AGBL5: variants seen among roughly 807,000 people sequenced by gnomAD.
AGBL5 encodes AGBL carboxypeptidase 5.
In AGBL5, 51 loss-of-function variants were observed where a neutral mutation model predicts 88.0. The observed-to-expected ratio is 0.58, with a 90% CI of 0.46 to 0.73. AGBL5 has a LOEUF of 0.73. AGBL5 is among the 30% of genes least tolerant of loss of function. The pLI is 0.00. For missense variants in AGBL5, 1,031 were observed against 1,162.2 expected, an observed-to-expected ratio of 0.89 and a Z score of 1.64; for synonymous variants, 446 against 438.8, an observed-to-expected ratio of 1.02 and a Z score of -0.21.
At chr2:27,068,161 G>A (rs1669088444) in intron 12 of AGBL5, among the ~76,000 whole-genome samples, 1 of 152,212 alleles carries the variant, frequency 6.6e-6, no homozygotes, top group Admixed American at 6.5e-5. Flanking sequence ...CTCATTCAAA[G>A]ACCCCTACTC....
At chr2:27,057,238 G>T in intron 8 of AGBL5, 65 bp from the exon 9 acceptor site, 1 of 1,520,494 alleles carries the variant, frequency 6.6e-7, no homozygotes, top group Non-Finnish European at 8.9e-7. Flanking sequence ...CACCTAAGTT[G>T]TCCTCTATGG....
At chr2:27,051,271 A>G (rs1306055566), upstream of AGBL5, among the ~76,000 whole-genome samples, 1 of 152,182 alleles carries the variant, frequency 6.6e-6, no homozygotes, top group East Asian at 1.9e-4. Flanking sequence ...AGCGGGATCG[A>G]TGCCCGCATC....
Position 27,059,233 on chromosome 2 carries a change from C to T in AGBL5, c.1918C>T (p.Arg640Ter). ...SCSENTLSRA[R>*]SFSTGTSAGG... ...CTCCGAAAACACCTTGAGTCGGGCA[C>T]GAAGTTTTAGCACCGGCACAAGTGC... Residue 640 changes from arginine (R) to a stop codon, truncating the protein, a stop_gained, in exon 11 of 15, where the codon CGA becomes TGA. Transcript: ENST00000360131. LOFTEE classifies it high-confidence loss of function. 1 of 1,614,024 alleles carries T rather than the reference C, an allele frequency of 6.2e-7. No individual in the cohort carries two copies. The highest frequency in any genetic ancestry group is 1.1e-5 in the South Asian group (1 of 91,088).
intron 11 of AGBL5, chr2:27,062,960 G>GT (rs1323035970): frequency 6.6e-6 from 1 of 152,222 alleles, no homozygotes; most frequent in Non-Finnish European, 1.5e-5. Flanking sequence ...GGCAACAACT[G>GT]TGTGTTTCTA....
chr2:27,050,828 C>G (rs186601168), upstream of AGBL5, among the ~76,000 whole-genome samples: 3 of 152,182 alleles, frequency 2.0e-5, no homozygotes, highest in Non-Finnish European at 2.9e-5. Flanking sequence ...GTGGATAGGG[C>G]GTGGCAATCC....
intron 11 of AGBL5, among the ~76,000 whole-genome samples, chr2:27,061,495 A>G (rs916012127): frequency 6.6e-6 from 1 of 152,058 alleles, no homozygotes; most frequent in Non-Finnish European, 1.5e-5. Context: ...CGGCCTCCCA[A>G]AGTGTTGGAA....
intron 7 of AGBL5, 191 bp from the exon 8 acceptor site, chr2:27,056,432 A>T (rs1157021531): frequency 4.2e-6 from 2 of 481,878 alleles, no homozygotes; most frequent in Non-Finnish European, 6.9e-6. Flanking sequence ...CTAAAAGCTT[A>T]AAAAAAAAAG....
Position 27,053,716 on chromosome 2 carries a change from G to A in AGBL5, c.387+143G>A, listed in dbSNP as rs2148269890. On this transcript the variant is annotated intron_variant, in intron 3 of 14. Transcript: ENST00000360131. The surrounding 1 kb of genome is among the most constrained non-coding windows in gnomAD (Gnocchi z 4.9). ...AGCTTTTTCTCCAGTGTTAGCTAGA[G>A]TCCAAGATGAGCCCCTGCCTCAGGA... 6 of 1,361,554 alleles carry A rather than the reference G, an allele frequency of 4.4e-6. No homozygotes were observed. The South Asian group carries it at 7.3e-5, about 17-fold the overall frequency. The allele number at this position is 1,361,554 out of a possible 1,614,324, so 84.3% of individuals were successfully genotyped here.
chr2:27,056,323 T>TA (rs1188722775), intron 7 of AGBL5, 185 bp downstream of exon 7: 7 of 649,838 alleles, frequency 1.1e-5, no homozygotes, highest in Non-Finnish European at 1.8e-5. Context: ...TCTCAATTGT[T>TA]ACATCATGAC....
intron 1 of AGBL5, chr2:27,052,361 C>A (rs1285318518): frequency 6.6e-6 from 1 of 152,322 alleles, no homozygotes; most frequent in African/African-American, 2.4e-5. Context: ...AAAGGAAGAA[C>A]CAGCCCTTCC....
chr2:27,059,550 T>C, intron 11 of AGBL5, 146 bp downstream of exon 11: 1 of 1,511,524 alleles, frequency 6.6e-7, no homozygotes, highest in South Asian at 1.3e-5. Context: ...TGGCCTCTCC[T>C]ACGACCTTGG....
chr2:27,056,592 C>T (rs1553337356), intron 7 of AGBL5, 31 bp from the exon 8 acceptor site: 7 of 1,572,020 alleles, frequency 4.5e-6, no homozygotes, highest in Non-Finnish European at 6.1e-6. Context: ...TTCTGTCTCT[C>T]CTTCTGAGTT....
At chr2:27,063,746 A>G (rs149455431) in intron 11 of AGBL5, among the ~76,000 whole-genome samples, 36 of 152,304 alleles carry the variant, frequency 2.4e-4, no homozygotes, top group African/African-American at 7.7e-4. Flanking sequence ...ACCTTGGCAC[A>G]AGTCAAGTAA....
chr2:27,061,815 CT>C (rs879767318), intron 11 of AGBL5: 155 of 145,274 alleles, frequency 1.1e-3, no homozygotes, highest in Non-Finnish European at 9.9e-4. Context: ...CTAGGCCCCT[CT>C]TTTTTTTTTT....
At position 27,064,899 on chromosome 2, in the gene AGBL5, G is replaced by A. The variant is rs142894690; in HGVS notation, c.2090-2595G>A. Among the ~76,000 whole-genome samples, 1,401 of 151,588 alleles carry A rather than the reference G, an allele frequency of 9.2e-3. 21 individuals carry two copies. The highest frequency in any genetic ancestry group is 0.032 in the African/African-American group (1,333 of 41,302). ...CTCTGGAGTAGCTGGGATTACAGGC[G>A]CTCACCACCACGCCTGGCTAATTTT... On this transcript the variant is annotated intron_variant, in intron 11 of 14. Coordinates refer to ENST00000360131, the MANE Select transcript of AGBL5 (RefSeq NM_021831.6).
rs369810583 is a variant in AGBL5 at position 27,070,397 on chromosome 2, G to C, written c.*134G>C. The stretch of plus-strand genomic sequence containing the variant: ...TTGGAATGCCAGCCACGCTGTCCAA[G>C]GCATTACAGAGTATCACCTTGAGAC... On this transcript the variant is annotated 3_prime_UTR_variant, in exon 15 of 15. Transcript: ENST00000360131. The C allele has an allele frequency of 1.1e-6, 1 of 895,502 alleles. No homozygotes were observed. The highest frequency in any genetic ancestry group is 2.6e-5 in the East Asian group (1 of 38,568). 55.5% of individuals were successfully genotyped at this position (895,502 alleles called of 1,614,324 possible). A position where few individuals can be genotyped will look rare whatever the true frequency, so the allele number is the denominator to read the frequency against.
Position 27,070,490 on chromosome 2 carries a change from A to G in AGBL5, c.*227A>G, listed in dbSNP as rs958574586. 7.7e-6 allele frequency: 4 copies of G among 519,688 alleles called. No individual in the cohort carries two copies. The highest frequency in any genetic ancestry group is 1.4e-5 in the Non-Finnish European group (4 of 293,132). 32.2% of individuals were successfully genotyped at this position (519,688 alleles called of 1,614,324 possible). On this transcript the variant is annotated 3_prime_UTR_variant, in exon 15 of 15. Coordinates refer to ENST00000360131, the MANE Select transcript of AGBL5 (RefSeq NM_021831.6). Reference sequence around the variant, plus strand: ...CACAAGATTTTGGGACCACAAAAAAAAGTCTATATTTTTATATTGGGGGGA... The same window carrying G: ...CACAAGATTTTGGGACCACAAAAAAGAGTCTATATTTTTATATTGGGGGGA...
In AGBL5 at chr2:27,055,141, C is replaced by G. The variant is rs1668363037; in HGVS notation, c.796C>G (p.Leu266Val). The change falls in exon 6 of 15, where the codon CTG becomes GTG. Residue 266 changes from leucine to valine, a missense_variant. Physicochemically the swap from Leu to Val is conservative, Grantham distance 32. Around this residue, in one of 2 missense-constraint regions of AGBL5, gnomAD observed 540 missense variants for 678.2 expected, o/e 0.80. Transcript: ENST00000360131. The stretch of plus-strand genomic sequence containing the variant: ...ATCTAGCTTTGTCTTCAATGGCTTT[C>G]TGGACTTCATCCTCCGACCTGATGA... ...TPSSFVFNGFLDFILRPDDPR... is the reference protein window; with the variant it reads ...TPSSFVFNGFVDFILRPDDPR... The G allele has an allele frequency of 6.2e-7, 1 of 1,614,252 alleles. No homozygotes were observed. The highest frequency in any genetic ancestry group is 8.5e-7 in the Non-Finnish European group (1 of 1,180,044).
chr2:27,069,647 T>C lies in AGBL5; in HGVS notation c.2430T>C (p.Pro810=), dbSNP rs1197790966. 2 of 1,614,026 alleles carry C rather than the reference T, an allele frequency of 1.2e-6. No individual in the cohort carries two copies. Among genetic ancestry groups the C allele is most frequent in the East Asian group, 2.2e-5 (1 of 44,896 alleles). ...AAGGCTCTTCAGGCCCCACATCCCC[T>C]ACCCCCCGGACCAGGGAGAGCAGTG... The part of the protein sequence containing the change: ...GMKGSSGPTS[P]TPRTRESSEL... The change falls in exon 14 of 15, where the codon CCT becomes CCC. Residue 810 remains proline, a synonymous_variant. Transcript: ENST00000360131.
Sources: allele counts gnomAD v4.1 joint callset (sites outside exome capture counted in the v4.1 genomes callset), GRCh38; gene constraint gnomAD v4.1.1; regional missense constraint gnomAD v4.1.1; non-coding constraint Gnocchi (gnomAD v3.1); transcripts MANE v1.5; gene names NCBI Gene and HGNC (gene_info 2026-07-23, HGNC 2026-07-21).